Variants in DDX60 observed in about 807,000 individuals in gnomAD.
The protein encoded by DDX60 is probable ATP-dependent RNA helicase DDX60.
A neutral mutation model predicts 212.8 loss-of-function variants in DDX60; 165 were observed. The ratio of observed to expected loss-of-function variants is 0.78; its 90% CI spans 0.68 to 0.88. The LOEUF is 0.88. DDX60 is among the 40% of genes least tolerant of loss of function. The pLI, the probability that DDX60 is intolerant of heterozygous loss-of-function variation, is 0.00. For synonymous variants in DDX60, 703 were observed against 685.3 expected, an observed-to-expected ratio of 1.03 and a Z score of -0.40; for missense variants, 1,905 against 2,003.9, an observed-to-expected ratio of 0.95 and a Z score of 0.94.
intron 6 of DDX60, among the ~76,000 whole-genome samples, chr4:168,299,544 C>T (rs994952953): frequency 6.6e-6 from 1 of 151,370 alleles, no homozygotes; most frequent in Non-Finnish European, 1.5e-5. Context: ...TAAAAACAGA[C>T]AAACCACTAG....
At chr4:168,276,741 T>A (rs779231437) in intron 14 of DDX60, among the ~76,000 whole-genome samples, 4 of 152,228 alleles carry the variant, frequency 2.6e-5, no homozygotes, top group African/African-American at 9.6e-5. Context: ...ATACTTATTA[T>A]GTCAGGGTTT....
At chr4:168,313,024 T>C (rs183083068) in intron 1 of DDX60, among the ~76,000 whole-genome samples, 3 of 152,276 alleles carry the variant, frequency 2.0e-5, no homozygotes, top group Non-Finnish European at 2.9e-5. Context: ...TGCTGAAACA[T>C]ATGCAAATAT....
intron 8 of DDX60, among the ~76,000 whole-genome samples, chr4:168,289,380 CATCT>C (rs1249468688): frequency 6.6e-6 from 1 of 152,138 alleles, no homozygotes; most frequent in African/African-American, 2.4e-5. Flanking sequence ...ATTTTATTCC[CATCT>C]ATCTAAGTAG....
At chr4:168,281,219 C>T (rs557744196) in intron 13 of DDX60, among the ~76,000 whole-genome samples, 2 of 152,274 alleles carry the variant, frequency 1.3e-5, no homozygotes, top group South Asian at 2.1e-4. Flanking sequence ...TTTCTCCATG[C>T]TATGATATCT....
At chr4:168,316,196 T>C (rs1421554478) in intron 1 of DDX60, among the ~76,000 whole-genome samples, 1 of 152,198 alleles carries the variant, frequency 6.6e-6, no homozygotes, top group Admixed American at 6.5e-5. Context: ...CAAAAGTCTA[T>C]TTCAAACAGT....
intron 13 of DDX60, among the ~76,000 whole-genome samples, chr4:168,281,943 A>G (rs1247664328): frequency 2.6e-5 from 4 of 152,124 alleles, no homozygotes; most frequent in African/African-American, 9.7e-5. Context: ...AGATTTTTCT[A>G]TTTTCATACA....
Position 168,262,132 on chromosome 4 carries a change from G to C in DDX60, c.3145-4C>G. The C allele has an allele frequency of 6.4e-7, 1 of 1,569,036 alleles. No individual in the cohort carries two copies. Among genetic ancestry groups the C allele is most frequent in the Non-Finnish European group, 8.6e-7 (1 of 1,166,576 alleles). On this transcript the variant is annotated splice_polypyrimidine_tract_variant and splice_region_variant and intron_variant, in intron 23 of 37. Transcript: ENST00000393743. Reference sequence around the variant, plus strand: ...TGAAGTTTTCTGGGCACAGTTCCTTGAAAACAAATATTACAAAATTAGGCA... The same window carrying C: ...TGAAGTTTTCTGGGCACAGTTCCTTCAAAACAAATATTACAAAATTAGGCA...
intron 22 of DDX60, 60 bp from the exon 23 acceptor site, chr4:168,262,847 CTCTTAGTCACTATCATAA>C: frequency 8.7e-7 from 1 of 1,155,774 alleles, no homozygotes. Flanking sequence ...TATCCTTTGC[CTCTTAGTCACTATCATAA>C]CCCAAAGACA....
intron 25 of DDX60, among the ~76,000 whole-genome samples, chr4:168,260,257 C>T (rs1442620700): frequency 6.6e-6 from 1 of 152,106 alleles, no homozygotes; most frequent in African/African-American, 2.4e-5. Context: ...AATGCTATCC[C>T]TCCCCTCTCC....
intron 33 of DDX60, among the ~76,000 whole-genome samples, chr4:168,228,705 T>C (rs929564539): frequency 2.0e-5 from 3 of 152,142 alleles, no homozygotes; most frequent in Non-Finnish European, 4.4e-5. Flanking sequence ...TTTGACACAA[T>C]GTGTATTCCT....
chr4:168,237,169 T>A, intron 32 of DDX60, 117 bp downstream of exon 32: 1 of 656,176 alleles, frequency 1.5e-6, no homozygotes, highest in Non-Finnish European at 2.2e-6. Flanking sequence ...CTATAAATTA[T>A]CTACATATTA....
chr4:168,303,867 A>C (rs1422264220), intron 5 of DDX60, among the ~76,000 whole-genome samples: 1 of 152,168 alleles, frequency 6.6e-6, no homozygotes, highest in African/African-American at 2.4e-5. Flanking sequence ...CTGTAGTCTC[A>C]GCTACTTGGG....
chr4:168,256,629 T>A (rs2149508753), intron 25 of DDX60, among the ~76,000 whole-genome samples: 1 of 152,268 alleles, frequency 6.6e-6, no homozygotes, highest in Non-Finnish European at 1.5e-5. Flanking sequence ...AGGCAAACAT[T>A]TCCTATGTTT....
At chr4:168,317,451 G>A (rs1016666010) in intron 1 of DDX60, among the ~76,000 whole-genome samples, 5 of 152,096 alleles carry the variant, frequency 3.3e-5, no homozygotes, top group South Asian at 4.2e-4. Context: ...GAGGAAAGGC[G>A]CAAAGGGGAG....
chr4:168,322,767 C>T (rs1237448979), upstream of DDX60, among the ~76,000 whole-genome samples: 2 of 152,178 alleles, frequency 1.3e-5, no homozygotes, highest in Non-Finnish European at 2.9e-5. Flanking sequence ...GTCACATGTC[C>T]TCCCAGCCAA....
chr4:168,247,042 A>G (rs908238824), intron 29 of DDX60, among the ~76,000 whole-genome samples: 2 of 152,172 alleles, frequency 1.3e-5, no homozygotes, highest in Non-Finnish European at 2.9e-5. Context: ...TTGAGTTACA[A>G]ATCACAAAAT....
At chr4:168,297,701 C>T (rs887746909) in intron 6 of DDX60, among the ~76,000 whole-genome samples, 7 of 151,712 alleles carry the variant, frequency 4.6e-5, no homozygotes, top group Non-Finnish European at 1.0e-4. Flanking sequence ...GCCAGGAGTT[C>T]GAGACCAGCC....
At chr4:168,312,743 TAGATATGATAG>T in intron 1 of DDX60, among the ~76,000 whole-genome samples, 1 of 152,080 alleles carries the variant, frequency 6.6e-6, no homozygotes, top group Non-Finnish European at 1.5e-5. Context: ...GATAGATAGA[TAGATATGATAG>T]AGAGAGAGAG....
chr4:168,290,871 T>C (rs1736064778), intron 8 of DDX60, among the ~76,000 whole-genome samples: 1 of 152,220 alleles, frequency 6.6e-6, no homozygotes, highest in Non-Finnish European at 1.5e-5. Context: ...CACAATGTAC[T>C]AAATGTTTGT....
Sources: gnomAD v4.1 joint callset for allele counts (sites outside exome capture counted in the v4.1 genomes callset) on GRCh38, gnomAD v4.1.1 for gene constraint, MANE v1.5 for transcripts, NCBI Gene and HGNC (gene_info 2026-07-23, HGNC 2026-07-21) for gene names.